Variants in SLC1A6 observed in about 807,000 individuals in gnomAD.
SLC1A6 encodes solute carrier family 1 member 6, also known as excitatory amino acid transporter 4.
A neutral mutation model predicts 42.1 loss-of-function variants in SLC1A6; 15 were observed. The observed-to-expected ratio is 0.36, with a 90% CI of 0.24 to 0.55. The LOEUF (loss-of-function observed/expected upper bound fraction) is 0.55. Ranked by LOEUF, SLC1A6 falls within the 20% of genes least tolerant of loss-of-function variation. SLC1A6 has a pLI of 0.88. For missense variants in SLC1A6, 542 were observed against 772.5 expected (o/e 0.70, Z 3.54); for synonymous variants, 317 against 319.7 (o/e 0.99, Z 0.09).
intron 3 of SLC1A6, among the ~76,000 whole-genome samples, chr19:14,971,446 T>C (rs1451869533): frequency 2.0e-5 from 3 of 152,082 alleles, no homozygotes; most frequent in African/African-American, 7.2e-5. Flanking sequence ...CTTCCAAGAC[T>C]TTCTCTCACT....
intron 1 of SLC1A6, among the ~76,000 whole-genome samples, chr19:14,976,059 G>C (rs1275945111): frequency 6.6e-6 from 1 of 152,044 alleles, no homozygotes; most frequent in Non-Finnish European, 1.5e-5. Flanking sequence ...CTTCCTTCTA[G>C]ACCCACTCTT....
Position 14,963,577 on chromosome 19 carries a change from T to C in SLC1A6, c.591+742A>G, listed in dbSNP as rs551346932. On this transcript the variant is annotated intron_variant, in intron 5 of 9. Coordinates refer to ENST00000594383, the MANE Select transcript of SLC1A6 (RefSeq NM_005071.3). ...ATACCTCATAAATACATATAATCTT[T>C]GTGTGAATTTGAACATAAATAAATT... is the stretch of plus-strand genomic sequence containing the variant. 7.9e-4 allele frequency among the ~76,000 whole-genome samples: 120 copies of C among 152,358 alleles called. 1 individual carries two copies. The highest frequency in any genetic ancestry group is 2.7e-3 in the African/African-American group (114 of 41,586).
chr19:14,996,702 C>T (rs961084882), intron 1 of SLC1A6, among the ~76,000 whole-genome samples: 4 of 152,056 alleles, frequency 2.6e-5, no homozygotes, highest in Non-Finnish European at 5.9e-5. Context: ...CTTCATCTTA[C>T]TGCTCCACTC....
intron 1 of SLC1A6, 89 bp from the exon 2 acceptor site, chr19:14,973,006 C>T (rs1157716391): frequency 6.6e-6 from 7 of 1,053,154 alleles, no homozygotes; most frequent in Non-Finnish European, 9.5e-6. Context: ...GGGTAATGAG[C>T]GCTTCCTGAG....
intron 3 of SLC1A6, among the ~76,000 whole-genome samples, chr19:14,970,876 T>C (rs1198260790): frequency 6.6e-6 from 1 of 150,618 alleles, no homozygotes. Flanking sequence ...TCATGCCTGC[T>C]ATCCCAGCAC....
At chr19:14,966,056 G>GAAATTAAAAGCTGCACATTAGGTAC (rs2045570375) in intron 4 of SLC1A6, among the ~76,000 whole-genome samples, 1 of 152,060 alleles carries the variant, frequency 6.6e-6, no homozygotes, top group Non-Finnish European at 1.5e-5. Flanking sequence ...AGAGTAGTTA[G>GAAATTAAAAGCTGCACATTAGGTAC]AAATTAAAAG....
At chr19:14,952,790 C>T (rs1253491383) in intron 9 of SLC1A6, 138 bp downstream of exon 9, 1 of 1,110,302 alleles carries the variant, frequency 9.0e-7, no homozygotes, top group Non-Finnish European at 1.2e-6. Flanking sequence ...GGAGGCCTCT[C>T]CAAGGCCTCC....
At chr19:14,996,672 G>C (rs1187292098) in intron 1 of SLC1A6, among the ~76,000 whole-genome samples, 2 of 151,834 alleles carry the variant, frequency 1.3e-5, no homozygotes, top group Non-Finnish European at 2.9e-5. Flanking sequence ...TGACTGACAA[G>C]CTCCAGGAGA....
rs2045749894 is a variant in SLC1A6, at chr19:14,979,501, G to GCC, written c.-201_-200insGG. The GCC allele has an allele frequency of 6.6e-6, 1 of 151,626 alleles. No individual in the cohort carries two copies. The highest frequency in any genetic ancestry group is 2.4e-5 in the African/African-American group (1 of 41,352). 9.4% of individuals were successfully genotyped at this position (151,626 alleles called of 1,614,324 possible). A position where few individuals can be genotyped will look rare whatever the true frequency, so the allele number is the denominator to read the frequency against. On this transcript the variant is annotated 5_prime_UTR_variant, in exon 1 of 10. Transcript: ENST00000594383. The surrounding 1 kb of genome is among the most constrained non-coding windows in gnomAD (Gnocchi z 4.2). ...CCGAGTCCCCGCGCCGAGCCGCGGA[G>GCC]TCCCCACTCACCGGCGTCCGGAGCG...
intron 1 of SLC1A6, chr19:14,977,148 T>A (rs769393722): frequency 1.3e-5 from 2 of 151,996 alleles, no homozygotes; most frequent in Non-Finnish European, 2.9e-5. Flanking sequence ...TGCCTGTAGA[T>A]ACCAAGGGAG....
At position 14,950,175 on chromosome 19, in the gene SLC1A6, G is replaced by A. The variant is rs1341010419; in HGVS notation, c.*20C>T. On this transcript the variant is annotated 3_prime_UTR_variant, in exon 10 of 10. Coordinates refer to ENST00000594383, the MANE Select transcript of SLC1A6 (RefSeq NM_005071.3). ...CCAGCCCCCTTCCCTCCTCTCTGGG[G>A]GGGCAGAGCTGGAGGCCCCTCACAT... 8.0e-6 allele frequency: 12 copies of A among 1,493,444 alleles called. No homozygotes were observed. Among genetic ancestry groups the A allele is most frequent in the Non-Finnish European group, 1.1e-5 (12 of 1,115,404 alleles). 92.5% of individuals were successfully genotyped at this position (1,493,444 alleles called of 1,614,324 possible). A position where few individuals can be genotyped will look rare whatever the true frequency, so the allele number is the denominator to read the frequency against.
rs752860592 is a variant in SLC1A6 at position 14,972,823 on chromosome 19, G to A, written c.88C>T (p.Leu30=). 25 of 1,609,454 alleles carry A rather than the reference G, an allele frequency of 1.6e-5. No individual in the cohort carries two copies. In the African/African-American group the frequency reaches 1.9e-4, roughly 12 times the overall value. The change falls in exon 2 of 10, where the codon CTG becomes TTG. Residue 30 remains leucine, a synonymous_variant. Transcript: ENST00000594383. The part of the protein sequence containing the change: ...VGWLQRLQES[L]QQRALRTRLR... The stretch of plus-strand genomic sequence containing the variant: ...CGCGTGCGCAGTGCTCTCTGCTGCA[G>A]GCTTTCCTGCAGCCGCTGCAGCCAG...
chr19:14,956,248 T>C (rs1333381844), intron 7 of SLC1A6, among the ~76,000 whole-genome samples: 1 of 152,006 alleles, frequency 6.6e-6, no homozygotes, highest in Admixed American at 6.6e-5. Flanking sequence ...AACTGGTACC[T>C]GGTTCTCCTC....
At chr19:14,980,699 ATTG>A (rs981302389), upstream of SLC1A6, among the ~76,000 whole-genome samples, 26 of 149,168 alleles carry the variant, frequency 1.7e-4, no homozygotes, top group African/African-American at 4.4e-4. Flanking sequence ...GTTTTTTATT[ATTG>A]TTGTTGTTGT....
chr19:15,001,937 A>G (rs772465086), intron 1 of SLC1A6, among the ~76,000 whole-genome samples: 2 of 152,172 alleles, frequency 1.3e-5, no homozygotes, highest in Non-Finnish European at 2.9e-5. Context: ...CTGGGATTAC[A>G]GTAGTGAGCC....
chr19:14,956,427 A>G, intron 7 of SLC1A6, 49 bp downstream of exon 7: 1 of 1,280,644 alleles, frequency 7.8e-7, no homozygotes, highest in East Asian at 2.4e-5. Context: ...GACATGAAGG[A>G]CAAGAAGTGC....
chr19:14,997,465 C>A (rs535188767), intron 1 of SLC1A6, among the ~76,000 whole-genome samples: 1 of 152,230 alleles, frequency 6.6e-6, no homozygotes, highest in East Asian at 1.9e-4. Context: ...TGATAATTGT[C>A]TCAGATATTT....
intron 1 of SLC1A6, among the ~76,000 whole-genome samples, chr19:14,995,326 CAAAAAAAAAA>C (rs1173848535): frequency 1.9e-5 from 1 of 53,028 alleles, no homozygotes; most frequent in South Asian, 8.7e-4. Flanking sequence ...ACTCCATCTC[CAAAAAAAAAA>C]AAAAAAAAGA....
chr19:14,992,341 T>G (rs939654138), intron 1 of SLC1A6, among the ~76,000 whole-genome samples: 1 of 152,242 alleles, frequency 6.6e-6, no homozygotes, highest in African/African-American at 2.4e-5. Context: ...AACCTCACTG[T>G]GGCCTTGTGA....
Sources: gnomAD v4.1 joint callset for allele counts (sites outside exome capture counted in the v4.1 genomes callset) on GRCh38, gnomAD v4.1.1 for gene constraint, Gnocchi (gnomAD v3.1) non-coding constraint, MANE v1.5 for transcripts, NCBI Gene and HGNC (gene_info 2026-07-23, HGNC 2026-07-21) for gene names.